The following FCRL5 variants were observed in gnomAD, a reference collection of about 807,000 sequenced individuals.
FCRL5 encodes the protein Fc receptor like 5, also known as Fc receptor-like protein 5.
FCRL5 carries 79 observed loss-of-function variants against 92.1 expected under a neutral mutation model. The ratio of observed to expected loss-of-function variants is 0.86; its 90% CI spans 0.72 to 1.03. FCRL5 has a LOEUF of 1.03. Among genes scored for constraint, FCRL5 ranks in the 50% least tolerant of loss-of-function variants. The pLI is 0.00. For synonymous variants in FCRL5, 466 were observed against 469.3 expected (o/e 0.99, Z 0.09); for missense variants, 1,160 against 1,181.1 (o/e 0.98, Z 0.26).
intron 8 of FCRL5, chr1:157,534,360 A>G (rs1459212825): frequency 1.4e-6 from 1 of 714,200 alleles, no homozygotes; most frequent in East Asian, 2.7e-5. Context: ...GTTGGAACAT[A>G]CAAGGAATGA....
In FCRL5 at chr1:157,527,647, G is replaced by T. The variant is rs758657275; in HGVS notation, c.1930C>A (p.His644Asn). ...CEANNGLVAQ[H>N]SDTISLSVIV... Reference sequence around the variant, plus strand: ...ACACTGAGTGATATTGTGTCACTGTGCTGGGCCACTAGGCCATTGTTGGCC... The same window carrying T: ...ACACTGAGTGATATTGTGTCACTGTTCTGGGCCACTAGGCCATTGTTGGCC... Residue 644 changes from histidine (H) to asparagine (N), a missense_variant, in exon 9 of 17, where the codon CAC (histidine) becomes AAC (asparagine). Coordinates refer to ENST00000361835, the MANE Select transcript of FCRL5 (RefSeq NM_031281.3). The T allele has an allele frequency of 2.0e-5, 33 of 1,613,120 alleles. No individual in the cohort carries two copies. Among genetic ancestry groups the T allele is most frequent in the Non-Finnish European group, 2.5e-5 (30 of 1,179,482 alleles).
At position 157,534,764 on chromosome 1, in the gene FCRL5, C is replaced by G; in HGVS notation, c.1531G>C (p.Asp511His). Residue 511 changes from aspartate to histidine, a missense_variant, in exon 8 of 17, where the codon GAC (aspartate) becomes CAC (histidine). Coordinates refer to ENST00000361835, the MANE Select transcript of FCRL5 (RefSeq NM_031281.3). ...PQILYQFYHE[D>H]MPLWSSSTPS... ...GTTGAGCTGCTCCACAGGGGCATGTCCTCATGATAAAACTGGTATAGGATT... is the reference window on the plus strand; with the variant it reads ...GTTGAGCTGCTCCACAGGGGCATGTGCTCATGATAAAACTGGTATAGGATT... 6.2e-7 allele frequency: 1 copy of G among 1,614,096 alleles called. No individual in the cohort carries two copies.
chr1:157,518,355 G>T, intron 15 of FCRL5, 74 bp downstream of exon 15: 1 of 1,324,648 alleles, frequency 7.5e-7, no homozygotes, highest in Non-Finnish European at 1.1e-6. Context: ...GCTCAGATCT[G>T]CTGAGTGGGT....
At chr1:157,548,526 A>G (rs758428747) in intron 2 of FCRL5, among the ~76,000 whole-genome samples, 1 of 152,250 alleles carries the variant, frequency 6.6e-6, no homozygotes, top group Non-Finnish European at 1.5e-5. Flanking sequence ...AAGTTTTGCA[A>G]TCTACTCATT....
At chr1:157,542,705 C>T in intron 6 of FCRL5, 154 bp downstream of exon 6, 1 of 915,564 alleles carries the variant, frequency 1.1e-6, no homozygotes, top group Non-Finnish European at 1.7e-6. Context: ...AAGAGGCAGA[C>T]AGCTGGTTCA....
chr1:157,540,233 C>T (rs530183020), intron 6 of FCRL5, among the ~76,000 whole-genome samples: 1 of 152,338 alleles, frequency 6.6e-6, no homozygotes, highest in East Asian at 1.9e-4. Flanking sequence ...GACCTCTTGT[C>T]TTTTCTCCTC....
chr1:157,532,357 A>G (rs1462768277), intron 8 of FCRL5: 1 of 152,190 alleles, frequency 6.6e-6, no homozygotes, highest in Non-Finnish European at 1.5e-5. Flanking sequence ...ATTAATGATG[A>G]GTAACTGTTG....
Position 157,524,293 on chromosome 1 carries a change from G to A in FCRL5, c.2225C>T (p.Thr742Ile). ...GGCCCACTCACCTGCAACTTTCAGT[G>A]TCACCATCTCACTGCGCTGGGCCTC... ...GLEAQRSEMV[T>I]LKVAVPVSRP... The change falls in exon 10 of 17, where the codon ACA becomes ATA. Residue 742 changes from threonine to isoleucine, a missense_variant. Thr to Ile is a moderately conservative substitution (Grantham distance 89, BLOSUM62 -1). Coordinates refer to ENST00000361835, the MANE Select transcript of FCRL5 (RefSeq NM_031281.3). The A allele has an allele frequency of 6.2e-7, 1 of 1,614,270 alleles. No homozygotes were observed.
At chr1:157,534,925 T>C (rs1259628111) in intron 7 of FCRL5, 33 bp from the exon 8 acceptor site, 4 of 1,514,284 alleles carry the variant, frequency 2.6e-6, no homozygotes, top group Non-Finnish European at 2.6e-6. Context: ...CAAGAGTTGC[T>C]TTTGCCTCTT....
intron 3 of FCRL5, 40 bp from the exon 4 acceptor site, chr1:157,545,122 G>GC: frequency 6.4e-7 from 1 of 1,568,658 alleles, no homozygotes; most frequent in South Asian, 1.2e-5. Context: ...TCATCCTACT[G>GC]TTTCCCCTTT....
chr1:157,551,179 G>A (rs1651793181), intron 1 of FCRL5, among the ~76,000 whole-genome samples: 1 of 152,126 alleles, frequency 6.6e-6, no homozygotes, highest in African/African-American at 2.4e-5. Context: ...GCATTTTGTA[G>A]ACCAGGAATC....
At chr1:157,546,252 A>G (rs1259940256) in intron 3 of FCRL5, 1 of 454,248 alleles carries the variant, frequency 2.2e-6, no homozygotes, top group Non-Finnish European at 4.4e-6. Context: ...GTTCAACATT[A>G]GCCTGGGCAG....
chr1:157,515,689 C>G lies in FCRL5; in HGVS notation c.2920G>C (p.Ala974Pro). The change falls in exon 17 of 17, where the codon GCT (alanine) becomes CCT (proline). Residue 974 changes from alanine to proline, a missense_variant. By Grantham distance (27) the Ala-to-Pro change is conservative (BLOSUM62 -1). Coordinates refer to ENST00000361835, the MANE Select transcript of FCRL5 (RefSeq NM_031281.3). The stretch of plus-strand genomic sequence containing the variant: ...GACGTGTGGACTCATCTGTGAGGAG[C>G]TGAGGAAGCCAAGAACAGGGATCCG... The part of the protein sequence containing the change: ...VSGSLFLASS[A>P]PHR 6.2e-7 allele frequency: 1 copy of G among 1,614,132 alleles called. No individual in the cohort carries two copies.
Position 157,520,485 on chromosome 1 carries a change from C to T in FCRL5, c.2578G>A (p.Ala860Thr), listed in dbSNP as rs781399289. The change falls in exon 12 of 17, where the codon GCA becomes ACA. Residue 860 changes from alanine (A) to threonine (T), a missense_variant. Ala to Thr is a moderately conservative substitution (Grantham distance 58). Transcript: ENST00000361835. ...TGVAGGLLSI[A>T]GLAAGALLLY... ...AGCAGTGCCCCCGCAGCAAGGCCTG[C>T]TATGCTGAGCAGGCCCCCGGCGACT... The T allele has an allele frequency of 2.5e-6, 4 of 1,575,270 alleles. No individual in the cohort carries two copies. Among genetic ancestry groups the T allele is most frequent in the Non-Finnish European group, 3.4e-6 (4 of 1,160,074 alleles).
In FCRL5 at chr1:157,520,875, GA is replaced by G. The variant is rs1650151180; in HGVS notation, c.2515+141del. ...CGCCATCACTTCAGAAGCACTTCAG[GA>G]AATATAGCAGTTTAGAGAGCTGCCA... On this transcript the variant is annotated intron_variant, in intron 11 of 16. Coordinates refer to ENST00000361835, the MANE Select transcript of FCRL5 (RefSeq NM_031281.3). 12 of 1,048,564 alleles carry G rather than the reference GA, an allele frequency of 1.1e-5. 1 individual carries two copies. In the South Asian group the frequency reaches 2.0e-4, roughly 18 times the overall value. 65.0% of individuals were successfully genotyped at this position (1,048,564 alleles called of 1,614,324 possible).
rs1177671567 is a variant in FCRL5, at chr1:157,549,731, TAC to T, written c.32-153_32-152del. The T allele has an allele frequency of 1.8e-4, 97 of 554,078 alleles. No homozygotes were observed. The East Asian group carries it at 3.0e-3, about 17-fold the overall frequency. The allele number at this position is 554,078 out of a possible 1,614,324, so 34.3% of individuals were successfully genotyped here. A position where few individuals can be genotyped will look rare whatever the true frequency, so the allele number is the denominator to read the frequency against. On this transcript the variant is annotated intron_variant, in intron 1 of 16. Transcript: ENST00000361835. The stretch of plus-strand genomic sequence containing the variant: ...TAATTATTCATCAAATGTATATATA[TAC>T]ACATAAATATACATATATATACATA...
At chr1:157,517,991 C>A (rs761522535) in intron 15 of FCRL5, among the ~76,000 whole-genome samples, 1 of 152,068 alleles carries the variant, frequency 6.6e-6, no homozygotes, top group Non-Finnish European at 1.5e-5. Flanking sequence ...GGGAATAGGG[C>A]CCTCACTAAG....
intron 7 of FCRL5, among the ~76,000 whole-genome samples, chr1:157,538,202 CT>C (rs1413026833): frequency 6.6e-6 from 1 of 152,188 alleles, no homozygotes; most frequent in Non-Finnish European, 1.5e-5. Flanking sequence ...ATGACTCCCC[CT>C]GGGTTCCCTG....
Position 157,544,244 on chromosome 1 carries a change from G to C in FCRL5, c.844+18C>G, listed in dbSNP as rs751802951. The C allele has an allele frequency of 1.9e-6, 3 of 1,610,452 alleles. No individual in the cohort carries two copies. In the South Asian group the frequency reaches 3.3e-5, roughly 18 times the overall value. ...CCAGCCCTCTCTGCAGCAAATCTCA[G>C]GTTCCACCAACACTTACTCTGCACC... On this transcript the variant is annotated intron_variant, in intron 5 of 16. Transcript: ENST00000361835.
Sources: allele counts gnomAD v4.1 joint callset (sites outside exome capture counted in the v4.1 genomes callset), GRCh38; gene constraint gnomAD v4.1.1; transcripts MANE v1.5; gene names NCBI Gene and HGNC (gene_info 2026-07-23, HGNC 2026-07-21).